MBD2: variants seen among roughly 807,000 people sequenced by gnomAD.
The protein encoded by MBD2 is methyl-CpG binding domain protein 2.
A neutral mutation model predicts 39.3 loss-of-function variants in MBD2; 9 were observed. The ratio of observed to expected loss-of-function variants is 0.23; its 90% confidence interval spans 0.14 to 0.40. The LOEUF (loss-of-function observed/expected upper bound fraction) is 0.40. Ranked by LOEUF, MBD2 falls within the 10% of genes least tolerant of loss-of-function variation. The pLI is 1.00. For missense variants in MBD2, 458 were observed against 532.6 expected, an observed-to-expected ratio of 0.86 and a Z score of 1.38; for synonymous variants, 233 against 211.1, an observed-to-expected ratio of 1.10 and a Z score of -0.90.
Position 54,183,025 on chromosome 18 carries a change from G to A in MBD2, c.840+5849C>T, listed in dbSNP as rs762928351. 8.5e-4 allele frequency among the ~76,000 whole-genome samples: 129 copies of A among 152,322 alleles called. 1 individual carries two copies. The Middle Eastern group carries it at 0.014, about 16-fold the overall frequency. On this transcript the variant is annotated intron_variant, in intron 3 of 6. Transcript: ENST00000256429. ...GAGCAAGAGAACATTCAGGAGGTAG[G>A]ATCGATAGGACTTGCTGGCTAAATA...
chr18:54,204,937 T>G, intron 2 of MBD2, 61 bp downstream of exon 2: 208 of 1,514,750 alleles, frequency 1.4e-4, no homozygotes, highest in Middle Eastern at 1.8e-4. Context: ...AATTATGATG[T>G]GAGATACTTT....
intron 3 of MBD2, among the ~76,000 whole-genome samples, chr18:54,184,013 A>C (rs1028913946): frequency 1.3e-5 from 2 of 152,124 alleles, no homozygotes; most frequent in African/African-American, 4.8e-5. Flanking sequence ...AAAAGCTCTA[A>C]ATGTTTCTCA....
At chr18:54,205,938 CTT>C (rs2086446445) in intron 1 of MBD2, among the ~76,000 whole-genome samples, 1 of 150,534 alleles carries the variant, frequency 6.6e-6, no homozygotes, top group African/African-American at 2.5e-5. Flanking sequence ...GTCAGCAACC[CTT>C]GTTTAAAACA....
chr18:54,195,120 T>C (rs551473727), intron 2 of MBD2, among the ~76,000 whole-genome samples: 1 of 152,180 alleles, frequency 6.6e-6, no homozygotes, highest in East Asian at 1.9e-4. Context: ...TTTAAAGATA[T>C]CGAAATGGAT....
At chr18:54,194,981 T>C (rs928230367) in intron 2 of MBD2, among the ~76,000 whole-genome samples, 3 of 152,064 alleles carry the variant, frequency 2.0e-5, no homozygotes, top group Admixed American at 2.0e-4. Context: ...TAATATTGCA[T>C]ACAAGTGAGA....
chr18:54,167,651 G>A (rs916144530), intron 3 of MBD2, among the ~76,000 whole-genome samples: 5 of 152,194 alleles, frequency 3.3e-5, no homozygotes, highest in Non-Finnish European at 7.3e-5. Context: ...ATTTATGTCA[G>A]AAGAGCAATA....
rs2086032528 is a variant in MBD2, at chr18:54,153,243, TG to T, written c.*2080del. On this transcript the variant is annotated 3_prime_UTR_variant, in exon 7 of 7. Transcript: ENST00000256429. ...GAAAGGGCAGCATTGTGCTCACTCCTGGGCTTCTGCCTTGCGTAACTGGAGA... is the reference window on the plus strand; with the variant it reads ...GAAAGGGCAGCATTGTGCTCACTCCTGGCTTCTGCCTTGCGTAACTGGAGA... 1 of 152,294 alleles carries T rather than the reference TG, an allele frequency of 6.6e-6. No homozygotes were observed. The highest frequency in any genetic ancestry group is 2.1e-4 in the South Asian group (1 of 4,832). 9.4% of individuals were successfully genotyped at this position (152,294 alleles called of 1,614,324 possible). A position where few individuals can be genotyped will look rare whatever the true frequency, so the allele number is the denominator to read the frequency against.
At chr18:54,183,394 G>A (rs1167931600) in intron 3 of MBD2, among the ~76,000 whole-genome samples, 4 of 152,076 alleles carry the variant, frequency 2.6e-5, no homozygotes, top group Non-Finnish European at 4.4e-5. Context: ...AGTATTCCCC[G>A]GGAAACCTCA....
chr18:54,196,482 A>G (rs2086367924), intron 2 of MBD2, among the ~76,000 whole-genome samples: 1 of 152,216 alleles, frequency 6.6e-6, no homozygotes, highest in African/African-American at 2.4e-5. Flanking sequence ...AAACTCAGAC[A>G]GTTATTCTAT....
intron 1 of MBD2, among the ~76,000 whole-genome samples, chr18:54,217,924 C>CA (rs1413591007): frequency 2.6e-5 from 4 of 152,146 alleles, no homozygotes; most frequent in African/African-American, 9.7e-5. Context: ...TGGTATCTCA[C>CA]AAAAAGATGT....
rs765999642 is a variant in MBD2 at position 54,164,641 on chromosome 18, T to C, written c.991A>G (p.Thr331Ala). ...LLSAVASALH[T>A]SSAPITGQVS... ...TGCCCTGTGATTGGCGCAGAGCTTG[T>C]GTGCAAAGCACTGGCAACAGCAGAT... is the stretch of plus-strand genomic sequence containing the variant. The change falls in exon 5 of 7, where the codon ACA (threonine) becomes GCA (alanine). Residue 331 changes from threonine (T) to alanine (A), a missense_variant. Transcript: ENST00000256429. 6.2e-7 allele frequency: 1 copy of C among 1,614,134 alleles called. No homozygotes were observed. Among genetic ancestry groups the C allele is most frequent in the Admixed American group, 1.7e-5 (1 of 60,022 alleles).
At chr18:54,203,885 G>T (rs560611685) in intron 2 of MBD2, among the ~76,000 whole-genome samples, 1 of 152,198 alleles carries the variant, frequency 6.6e-6, no homozygotes, top group South Asian at 2.1e-4. Flanking sequence ...TACTTTGCTA[G>T]ATGTTCTATA....
intron 2 of MBD2, among the ~76,000 whole-genome samples, chr18:54,194,467 G>T (rs2086348948): frequency 6.6e-6 from 1 of 150,382 alleles, no homozygotes; most frequent in Non-Finnish European, 1.5e-5. Context: ...ATTTCTTCTG[G>T]TTTATTATAA....
intron 3 of MBD2, 59 bp downstream of exon 3, chr18:54,188,815 T>C (rs2086300405): frequency 1.3e-6 from 2 of 1,511,078 alleles, no homozygotes; most frequent in Non-Finnish European, 1.8e-6. Context: ...GAATTATTTC[T>C]GGTAAAAATA....
At chr18:54,220,045 C>A (rs1177331170) in intron 1 of MBD2, among the ~76,000 whole-genome samples, 6 of 152,208 alleles carry the variant, frequency 3.9e-5, no homozygotes, top group Admixed American at 1.3e-4. Context: ...TCGTGATCCA[C>A]CCGCCTCAGC....
chr18:54,174,059 C>T (rs144384952), intron 3 of MBD2, among the ~76,000 whole-genome samples: 17 of 152,250 alleles, frequency 1.1e-4, no homozygotes, highest in African/African-American at 4.1e-4. Context: ...AAGGCAAAAA[C>T]AACCTTAACC....
At chr18:54,207,164 A>G (rs758988707) in intron 1 of MBD2, among the ~76,000 whole-genome samples, 33 of 151,984 alleles carry the variant, frequency 2.2e-4, no homozygotes, top group Non-Finnish European at 3.1e-4. Context: ...TTTTTCCCAG[A>G]CTCTTTTCCC....
chr18:54,177,817 T>G (rs575785781), intron 3 of MBD2, among the ~76,000 whole-genome samples: 2 of 147,132 alleles, frequency 1.4e-5, no homozygotes, highest in Admixed American at 1.4e-4. Flanking sequence ...CACTATTTTT[T>G]TTTTCCTCTC....
At position 54,164,444 on chromosome 18, in the gene MBD2, C is replaced by T. The variant is rs542308577; in HGVS notation, c.1109+79G>A. Reference sequence around the variant, plus strand: ...GGTGATATATCACTTACTAGATATGCCACTGAACCTAATGAACAGTAAAAA... The same window carrying T: ...GGTGATATATCACTTACTAGATATGTCACTGAACCTAATGAACAGTAAAAA... On this transcript the variant is annotated intron_variant, in intron 5 of 6. Transcript: ENST00000256429. 1.1e-4 allele frequency: 140 copies of T among 1,261,980 alleles called. 2 individuals carry two copies. In the South Asian group the frequency reaches 1.8e-3, roughly 16 times the overall value. 78.2% of individuals were successfully genotyped at this position (1,261,980 alleles called of 1,614,324 possible).
Sources: allele counts gnomAD v4.1 joint callset (sites outside exome capture counted in the v4.1 genomes callset), GRCh38; gene constraint gnomAD v4.1.1; transcripts MANE v1.5; gene names NCBI Gene and HGNC (gene_info 2026-07-23, HGNC 2026-07-21).